ARHGAP24: variants seen among roughly 807,000 people sequenced by gnomAD.
ARHGAP24 encodes Rho GTPase activating protein 24.
Under a neutral mutation model 76.4 loss-of-function variants are expected in ARHGAP24, and 50 were observed. The observed-to-expected ratio is 0.65, with a 90% CI of 0.52 to 0.83. The LOEUF is 0.83. ARHGAP24 is among the 40% of genes least tolerant of loss of function. The pLI is 0.00. For synonymous variants in ARHGAP24, 345 were observed against 323.3 expected (o/e 1.07, Z -0.72); for missense variants, 930 against 914.2 (o/e 1.02, Z -0.22).
At chr4:85,666,912 G>C (rs941881934) in intron 2 of ARHGAP24, among the ~76,000 whole-genome samples, 5 of 152,166 alleles carry the variant, frequency 3.3e-5, no homozygotes, top group African/African-American at 1.2e-4. Context: ...CATACTGGGG[G>C]GTACCTCCCA....
chr4:85,484,595 G>A (rs1275943119), intron 1 of ARHGAP24, among the ~76,000 whole-genome samples: 1 of 152,052 alleles, frequency 6.6e-6, no homozygotes, highest in African/African-American at 2.4e-5. Context: ...TTTGTGCGTT[G>A]TGTGTAATGT....
chr4:85,995,407 G>A lies in ARHGAP24; in HGVS notation c.1753G>A (p.Gly585Arg). Residue 585 changes from glycine to arginine, a missense_variant, in exon 9 of 10, where the codon GGG becomes AGG. Gly to Arg is a moderately radical substitution (Grantham distance 125). Coordinates refer to ENST00000395184, the MANE Select transcript of ARHGAP24 (RefSeq NM_001025616.3). ...CACCTGCCCAGAGCAAGACTTTTTTGGGGGGAACTTTGAGGACCCTGTTTT... is the reference window on the plus strand; with the variant it reads ...CACCTGCCCAGAGCAAGACTTTTTTAGGGGGAACTTTGAGGACCCTGTTTT... ...TTTCPEQDFF[G>R]GNFEDPVLDG... 6.2e-7 allele frequency: 1 copy of A among 1,612,740 alleles called. No homozygotes were observed. Among genetic ancestry groups the A allele is most frequent in the Non-Finnish European group, 8.5e-7 (1 of 1,178,932 alleles).
At chr4:85,575,965 C>T (rs1250143789) in intron 2 of ARHGAP24, among the ~76,000 whole-genome samples, 2 of 152,184 alleles carry the variant, frequency 1.3e-5, no homozygotes, top group African/African-American at 4.8e-5. Flanking sequence ...TCTAGACTTT[C>T]TACAACAGAT....
intron 2 of ARHGAP24, among the ~76,000 whole-genome samples, chr4:85,652,893 T>G (rs868401134): frequency 1.9e-4 from 29 of 152,060 alleles, no homozygotes; most frequent in Middle Eastern, 3.4e-3. Context: ...ATTTTCTGAG[T>G]TTTTTGTTTG....
chr4:85,582,011 TAGCCCCACAAA>T (rs1727635414), intron 2 of ARHGAP24, among the ~76,000 whole-genome samples: 2 of 152,260 alleles, frequency 1.3e-5, no homozygotes, highest in South Asian at 4.1e-4. Flanking sequence ...AAGTTTTGTG[TAGCCCCACAAA>T]AGTTCCTGCT....
At chr4:85,852,603 C>T (rs2110164642) in intron 3 of ARHGAP24, among the ~76,000 whole-genome samples, 1 of 152,306 alleles carries the variant, frequency 6.6e-6, no homozygotes, top group Admixed American at 6.5e-5. Context: ...TACCTTTGGT[C>T]TTTGATGATG....
intron 3 of ARHGAP24, among the ~76,000 whole-genome samples, chr4:85,793,326 T>A (rs1578233956): frequency 6.6e-6 from 1 of 152,316 alleles, no homozygotes; most frequent in East Asian, 1.9e-4. Context: ...AGAAACAAAG[T>A]TAAGCATGTC....
At chr4:85,572,748 C>T (rs1399579383) in intron 2 of ARHGAP24, among the ~76,000 whole-genome samples, 1 of 4,084 alleles carries the variant, frequency 2.4e-4, no homozygotes, top group Non-Finnish European at 7.5e-3. Flanking sequence ...TTTTACAAAC[C>T]AAACAGACCA....
At chr4:85,545,190 C>G (rs570443926) in intron 1 of ARHGAP24, among the ~76,000 whole-genome samples, 210 of 152,128 alleles carry the variant, frequency 1.4e-3, no homozygotes, top group African/African-American at 4.8e-3. Context: ...ACCTCCGCCT[C>G]GTGGGTTCAA....
At chr4:85,878,207 T>C (rs898725814) in intron 3 of ARHGAP24, among the ~76,000 whole-genome samples, 2 of 152,090 alleles carry the variant, frequency 1.3e-5, no homozygotes, top group Non-Finnish European at 2.9e-5. Context: ...ATGGTGATGA[T>C]GGTAGATAGA....
At position 85,506,834 on chromosome 4, in the gene ARHGAP24, G is replaced by T. The variant is rs142811819; in HGVS notation, c.-21+31275G>T. ...ATCACCCGTCTTCTGCATCAGTCAC[G>T]CTGGGAGCTGCAGACTGGAGCTGTT... On this transcript the variant is annotated intron_variant, in intron 1 of 9. Transcript: ENST00000395184. Among the ~76,000 whole-genome samples, 46 of 152,294 alleles carry T rather than the reference G, an allele frequency of 3.0e-4. No homozygotes were observed. The East Asian group carries it at 8.1e-3, about 27-fold the overall frequency.
intron 8 of ARHGAP24, among the ~76,000 whole-genome samples, chr4:85,982,575 C>A (rs1424188055): frequency 6.6e-6 from 1 of 152,020 alleles, no homozygotes; most frequent in Non-Finnish European, 1.5e-5. Context: ...CCTCACTGAG[C>A]ACATAAACCA....
rs35799327 is a variant in ARHGAP24, at chr4:85,854,135, CAAAAAAAAA to C, written c.269-69501_269-69493del. 3.9e-3 allele frequency among the ~76,000 whole-genome samples: 337 copies of C among 85,602 alleles called. 1 individual carries two copies. Among genetic ancestry groups the C allele is most frequent in the African/African-American group, 0.013 (322 of 24,440 alleles). 56.2% of individuals were successfully genotyped at this position (85,602 alleles called of 152,430 possible). ...GGGTGAAAAGAGTGAGACTCTGTCT[CAAAAAAAAA>C]AAAAAAAAAAAGAAAAAAAAGGAAA... is the stretch of plus-strand genomic sequence containing the variant. On this transcript the variant is annotated intron_variant, in intron 3 of 9. Coordinates refer to ENST00000395184, the MANE Select transcript of ARHGAP24 (RefSeq NM_001025616.3).
At chr4:85,936,280 G>A (rs1450648243) in intron 4 of ARHGAP24, among the ~76,000 whole-genome samples, 3 of 152,114 alleles carry the variant, frequency 2.0e-5, no homozygotes, top group Non-Finnish European at 2.9e-5. Flanking sequence ...TTTGACATTG[G>A]AATTATTCAT....
At chr4:85,973,768 G>C (rs1048227998) in intron 6 of ARHGAP24, among the ~76,000 whole-genome samples, 2 of 138,494 alleles carry the variant, frequency 1.4e-5, no homozygotes. Context: ...AGCACTGTTT[G>C]TTAAAAGACT....
intron 3 of ARHGAP24, among the ~76,000 whole-genome samples, chr4:85,763,829 T>C (rs1313730191): frequency 6.6e-6 from 1 of 152,138 alleles, no homozygotes; most frequent in African/African-American, 2.4e-5. Context: ...CAATCACAAA[T>C]GTATGCTTTC....
intron 3 of ARHGAP24, among the ~76,000 whole-genome samples, chr4:85,905,869 G>A (rs1734746290): frequency 6.6e-6 from 1 of 152,166 alleles, no homozygotes; most frequent in Non-Finnish European, 1.5e-5. Flanking sequence ...CACTTGGGTT[G>A]CTTTTCATAT....
At chr4:85,958,806 C>A (rs1738071685) in intron 5 of ARHGAP24, among the ~76,000 whole-genome samples, 3 of 152,160 alleles carry the variant, frequency 2.0e-5, no homozygotes, top group Non-Finnish European at 4.4e-5. Flanking sequence ...ATTTCTTATG[C>A]CCATTTACTG....
chr4:85,736,847 A>G (rs1458328585), intron 3 of ARHGAP24, among the ~76,000 whole-genome samples: 1 of 152,192 alleles, frequency 6.6e-6, no homozygotes, highest in Non-Finnish European at 1.5e-5. Context: ...AACTAGTGTC[A>G]CCCAAATGAG....
Sources: gnomAD v4.1 joint callset for allele counts (sites outside exome capture counted in the v4.1 genomes callset) on GRCh38, gnomAD v4.1.1 for gene constraint, MANE v1.5 for transcripts, NCBI Gene and HGNC (gene_info 2026-07-23, HGNC 2026-07-21) for gene names.